The following LMO3 variants were observed in gnomAD, a reference collection of about 807,000 sequenced individuals.
LMO3 encodes LIM domain only protein 3.
A neutral mutation model predicts 15.8 loss-of-function variants in LMO3; 2 were observed. The ratio of observed to expected loss-of-function variants is 0.13; its 90% CI spans 0.05 to 0.40. LMO3 has a LOEUF of 0.40. LMO3 is among the 10% of genes least tolerant of loss of function. The pLI, the probability that LMO3 is intolerant of heterozygous loss-of-function variation, is 0.99. For missense variants in LMO3, 86 were observed against 182.2 expected (o/e 0.47, Z 3.04); for synonymous variants, 62 against 63.8 (o/e 0.97, Z 0.13).
In LMO3 at chr12:16,586,455, C is replaced by T. The variant is rs1384577523; in HGVS notation, c.206+14200G>A. On this transcript the variant is annotated intron_variant, in intron 2 of 3. Coordinates refer to ENST00000537304, the MANE Select transcript of LMO3 (RefSeq NM_018640.5). This position sits in a 1 kb window ranked among gnomAD's most constrained non-coding sequence, Gnocchi z 4.3. ...CCAACACACAGCTGAGTCACAGAGG[C>T]CCTGGACAATGTGTCTGGACAAATC... Among the ~76,000 whole-genome samples, 1 of 152,166 alleles carries T rather than the reference C, an allele frequency of 6.6e-6. No individual in the cohort carries two copies. Among genetic ancestry groups the T allele is most frequent in the Non-Finnish European group, 1.5e-5 (1 of 68,036 alleles).
chr12:16,566,507 C>G (rs1384340116), intron 2 of LMO3, among the ~76,000 whole-genome samples: 5 of 151,978 alleles, frequency 3.3e-5, no homozygotes, highest in African/African-American at 1.2e-4. Context: ...ATTGAAACAT[C>G]AGACTGTACC....
intron 2 of LMO3, among the ~76,000 whole-genome samples, chr12:16,571,091 ATT>A (rs1242909133): frequency 6.6e-6 from 1 of 152,114 alleles, no homozygotes; most frequent in African/African-American, 2.4e-5. Context: ...TTTATTTAAT[ATT>A]TTATCTTACC....
At chr12:16,583,053 A>AG (rs1943213625) in intron 2 of LMO3, among the ~76,000 whole-genome samples, 1 of 151,708 alleles carries the variant, frequency 6.6e-6, no homozygotes, top group Admixed American at 6.6e-5. Context: ...CCTCAAAAAA[A>AG]AAAAAAAAAA....
intron 2 of LMO3, among the ~76,000 whole-genome samples, chr12:16,575,923 G>A (rs1319781857): frequency 6.6e-6 from 1 of 152,036 alleles, no homozygotes; most frequent in Admixed American, 6.6e-5. Context: ...TTCAATGCAC[G>A]TAGAAATGAA....
At chr12:16,579,944 T>C (rs1183194087) in intron 2 of LMO3, among the ~76,000 whole-genome samples, 1 of 152,180 alleles carries the variant, frequency 6.6e-6, no homozygotes, top group African/African-American at 2.4e-5. Context: ...GGTATTTAAG[T>C]AATGTTGCAC....
chr12:16,569,606 T>C (rs546011315), intron 2 of LMO3, among the ~76,000 whole-genome samples: 2 of 152,192 alleles, frequency 1.3e-5, no homozygotes, highest in Non-Finnish European at 2.9e-5. Context: ...TCCCTTAACA[T>C]TTGATGAGAA....
intron 2 of LMO3, among the ~76,000 whole-genome samples, chr12:16,562,887 A>C (rs1048922589): frequency 6.6e-6 from 1 of 152,234 alleles, no homozygotes; most frequent in African/African-American, 2.4e-5. Context: ...AATGTGCACA[A>C]AACAGTTCTC....
chr12:16,590,451 T>A (rs541544815), intron 2 of LMO3, among the ~76,000 whole-genome samples: 1 of 152,170 alleles, frequency 6.6e-6, no homozygotes, highest in East Asian at 1.9e-4. Context: ...GTTTTGTAAC[T>A]ATAAGATAAT....
In LMO3 at chr12:16,593,133, T is replaced by C. The variant is rs1044791775; in HGVS notation, c.206+7522A>G. Among the ~76,000 whole-genome samples, 1 of 151,880 alleles carries C rather than the reference T, an allele frequency of 6.6e-6. No homozygotes were observed. Reference sequence around the variant, plus strand: ...GTCCTTGTCATATCTGATATTTATGTTTACTAAAATTGATTTTCTCTTTTT... The same window carrying C: ...GTCCTTGTCATATCTGATATTTATGCTTACTAAAATTGATTTTCTCTTTTT... On this transcript the variant is annotated intron_variant, in intron 2 of 3. Coordinates refer to ENST00000537304, the MANE Select transcript of LMO3 (RefSeq NM_018640.5). This position sits in a 1 kb window ranked among gnomAD's most constrained non-coding sequence, Gnocchi z 4.2.
In LMO3 at chr12:16,560,849, A is replaced by G. The variant is rs1317953377; in HGVS notation, c.207-311T>C. 8.9e-6 allele frequency: 3 copies of G among 336,750 alleles called. No individual in the cohort carries two copies. 20.9% of individuals were successfully genotyped at this position (336,750 alleles called of 1,614,324 possible). ...ATAGCAAAAATCTCTGGGTTAGAGT[A>G]TATAGAAAATATAAAAGCAATATAA... On this transcript the variant is annotated intron_variant, in intron 2 of 3. Coordinates refer to ENST00000537304, the MANE Select transcript of LMO3 (RefSeq NM_018640.5). This position sits in a 1 kb window ranked among gnomAD's most constrained non-coding sequence, Gnocchi z 5.0.
intron 2 of LMO3, among the ~76,000 whole-genome samples, chr12:16,568,464 C>T (rs1942695048): frequency 6.6e-6 from 1 of 152,204 alleles, no homozygotes; most frequent in African/African-American, 2.4e-5. Flanking sequence ...CATTCACTTA[C>T]TGTCTATTGC....
chr12:16,576,341 C>G lies in LMO3; in HGVS notation c.207-15803G>C, dbSNP rs576231900. ...CTGAGCCTCAGCCCCAATGTGCTGT[C>G]TACTCCCTGGACTCAGCATCTACTT... On this transcript the variant is annotated intron_variant, in intron 2 of 3. Transcript: ENST00000537304. The surrounding 1 kb of genome is among the most constrained non-coding windows in gnomAD (Gnocchi z 4.1). 6.6e-6 allele frequency among the ~76,000 whole-genome samples: 1 copy of G among 152,292 alleles called. No individual in the cohort carries two copies. Among genetic ancestry groups the G allele is most frequent in the Non-Finnish European group, 1.5e-5 (1 of 68,022 alleles).
chr12:16,601,574 T>C (rs1043633961), intron 1 of LMO3, among the ~76,000 whole-genome samples: 2 of 152,214 alleles, frequency 1.3e-5, no homozygotes, highest in Non-Finnish European at 2.9e-5. Context: ...TACTATATGC[T>C]TTTATGTAAA....
chr12:16,564,387 G>A (rs1056167809), intron 2 of LMO3, among the ~76,000 whole-genome samples: 2 of 152,162 alleles, frequency 1.3e-5, no homozygotes, highest in African/African-American at 2.4e-5. Flanking sequence ...CAACAGCTTC[G>A]GCAACATTGC....
In LMO3 at chr12:16,584,585, TG is replaced by T. The variant is rs142972130; in HGVS notation, c.206+16069del. Among the ~76,000 whole-genome samples the T allele has an allele frequency of 0.05, 7,500 of 149,378 alleles. 360 individuals carry two copies. Among genetic ancestry groups the T allele is most frequent in the African/African-American group, 0.13 (5,190 of 40,664 alleles). On this transcript the variant is annotated intron_variant, in intron 2 of 3. Coordinates refer to ENST00000537304, the MANE Select transcript of LMO3 (RefSeq NM_018640.5). This position sits in a 1 kb window ranked among gnomAD's most constrained non-coding sequence, Gnocchi z 5.2. ...AGATTAACATTGGCAAGTGGAGGAG[TG>T]GGGGGGGTAAGAGGCCTGTTTAGAG...
At chr12:16,602,817 G>C (rs1182607721) in intron 1 of LMO3, among the ~76,000 whole-genome samples, 4 of 152,088 alleles carry the variant, frequency 2.6e-5, no homozygotes, top group African/African-American at 9.7e-5. Context: ...ACATATCTAG[G>C]GGGAAGGGGA....
At position 16,589,082 on chromosome 12, in the gene LMO3, T is replaced by G. The variant is rs1289833439; in HGVS notation, c.206+11573A>C. On this transcript the variant is annotated intron_variant, in intron 2 of 3. Coordinates refer to ENST00000537304, the MANE Select transcript of LMO3 (RefSeq NM_018640.5). The surrounding 1 kb of genome is among the most constrained non-coding windows in gnomAD (Gnocchi z 4.2). ...GTAGCAGAAGGGGGTCGACGTCAGG[T>G]CTGGATACCTCACCGTGATGCAACC... Among the ~76,000 whole-genome samples, 9 of 151,854 alleles carry G rather than the reference T, an allele frequency of 5.9e-5. No homozygotes were observed. The highest frequency in any genetic ancestry group is 2.0e-4 in the Admixed American group (3 of 15,246).
intron 2 of LMO3, chr12:16,594,235 G>A: frequency 6.5e-7 from 1 of 1,532,122 alleles, no homozygotes. Context: ...CAGCATGTAT[G>A]TATATAGATC....
At chr12:16,572,339 C>CTTTTTTTTT (rs59773866) in intron 2 of LMO3, among the ~76,000 whole-genome samples, 23 of 89,528 alleles carry the variant, frequency 2.6e-4, no homozygotes, top group East Asian at 1.1e-3. Context: ...GGTCCAAACT[C>CTTTTTTTTT]TTTTTTTTTT....
Sources: allele counts gnomAD v4.1 joint callset (sites outside exome capture counted in the v4.1 genomes callset), GRCh38; gene constraint gnomAD v4.1.1; non-coding constraint Gnocchi (gnomAD v3.1); transcripts MANE v1.5; gene names NCBI Gene and HGNC (gene_info 2026-07-23, HGNC 2026-07-21).